The following NEK1 variants were observed in gnomAD, a reference collection of about 807,000 sequenced individuals.
NEK1 encodes the protein NIMA related kinase 1, also known as serine/threonine-protein kinase Nek1.
NEK1 carries 137 observed loss-of-function variants against 182.1 expected under a neutral mutation model. That is an observed-to-expected ratio of 0.75 (90% confidence interval 0.65 to 0.87). NEK1 has a LOEUF of 0.87. Ranked by LOEUF, NEK1 falls within the 40% of genes least tolerant of loss-of-function variation. The pLI is 0.00. For missense variants in NEK1, 1,391 were observed against 1,494.4 expected, an observed-to-expected ratio of 0.93 and a Z score of 1.14; for synonymous variants, 513 against 492.2, an observed-to-expected ratio of 1.04 and a Z score of -0.56.
chr4:169,445,272 A>C (rs1270622955), intron 27 of NEK1, among the ~76,000 whole-genome samples: 1 of 152,098 alleles, frequency 6.6e-6, no homozygotes. Context: ...AAAAACAAAA[A>C]CAAAAAATAG....
chr4:169,544,074 G>C (rs910386204), intron 18 of NEK1, among the ~76,000 whole-genome samples: 1 of 152,124 alleles, frequency 6.6e-6, no homozygotes, highest in African/African-American at 2.4e-5. Flanking sequence ...TTTTCAAAGG[G>C]AATGCTTCAG....
chr4:169,480,363 G>T (rs1461438667), intron 23 of NEK1, among the ~76,000 whole-genome samples: 1 of 152,044 alleles, frequency 6.6e-6, no homozygotes, highest in South Asian at 2.1e-4. Context: ...TGCAATAACG[G>T]TAATATTGCA....
intron 23 of NEK1, among the ~76,000 whole-genome samples, chr4:169,480,847 G>A (rs1747860609): frequency 2.6e-5 from 4 of 152,052 alleles, no homozygotes; most frequent in Admixed American, 2.6e-4. Context: ...CAAAGTGCTG[G>A]GATTACAAGC....
chr4:169,518,324 T>C (rs1755457621), intron 19 of NEK1, among the ~76,000 whole-genome samples: 1 of 88,078 alleles, frequency 1.1e-5, no homozygotes, highest in East Asian at 3.1e-4. Context: ...TGATGGTAGT[T>C]TGTATTTCTG....
chr4:169,444,644 A>G (rs1183502252), intron 27 of NEK1, among the ~76,000 whole-genome samples: 3 of 152,188 alleles, frequency 2.0e-5, no homozygotes. Flanking sequence ...AGACTCCAAT[A>G]TAATAAGAGT....
At chr4:169,547,545 C>G (rs1267578993) in intron 18 of NEK1, among the ~76,000 whole-genome samples, 1 of 152,174 alleles carries the variant, frequency 6.6e-6, no homozygotes, top group Admixed American at 6.5e-5. Context: ...AGAAGTTCTC[C>G]TGGATTATAT....
At chr4:169,544,379 T>C (rs1231237861) in intron 18 of NEK1, among the ~76,000 whole-genome samples, 1 of 152,214 alleles carries the variant, frequency 6.6e-6, no homozygotes, top group African/African-American at 2.4e-5. Flanking sequence ...CAGTATTTTA[T>C]TGAGGATTTT....
rs538741564 is a variant in NEK1 at position 169,577,749 on chromosome 4, G to A, written c.869-670C>T. 6.6e-5 allele frequency among the ~76,000 whole-genome samples: 10 copies of A among 151,574 alleles called. No individual in the cohort carries two copies. In the South Asian group the frequency reaches 8.3e-4, roughly 13 times the overall value. On this transcript the variant is annotated intron_variant, in intron 11 of 35. Coordinates refer to ENST00000507142, the MANE Select transcript of NEK1 (RefSeq NM_001199397.3). ...AGCCTGGGCGACAGAATGAGACTCC[G>A]TCTCAAAAATAATAATAATAATAAT... is the stretch of plus-strand genomic sequence containing the variant.
intron 3 of NEK1, 42 bp downstream of exon 3, chr4:169,602,472 A>G: frequency 9.3e-7 from 1 of 1,080,062 alleles, no homozygotes; most frequent in Non-Finnish European, 1.4e-6. Flanking sequence ...CTCTATTGTA[A>G]CTAAACCATT....
Position 169,599,124 on chromosome 4 carries a change from T to C in NEK1, c.288A>G (p.Lys96=), listed in dbSNP as rs1770049825. The C allele has an allele frequency of 6.2e-7, 1 of 1,613,288 alleles. No homozygotes were observed. The highest frequency in any genetic ancestry group is 1.3e-5 in the African/African-American group (1 of 74,920). ...CCTGATCCTCTTGAAACAAAACGCC[T>C]TTCTGAGCATTTATTCGCTTAAACA... ...GDLFKRINAQ[K]GVLFQEDQIL... The change falls in exon 5 of 36, where the codon AAA becomes AAG. Residue 96 remains lysine (K), a synonymous_variant. Transcript: ENST00000507142.
At chr4:169,507,471 A>AT (rs1753500277) in intron 22 of NEK1, among the ~76,000 whole-genome samples, 2 of 152,022 alleles carry the variant, frequency 1.3e-5, no homozygotes, top group African/African-American at 4.8e-5. Context: ...TAAGGTTACC[A>AT]TTTTTTTCAA....
intron 2 of NEK1, 93 bp from the exon 3 acceptor site, chr4:169,602,771 G>A (rs1770708140): frequency 1.8e-6 from 1 of 549,564 alleles, no homozygotes; most frequent in Non-Finnish European, 3.2e-6. Context: ...ATTCTTTAGT[G>A]ATTTGCTAAC....
chr4:169,529,477 A>G (rs986866232), intron 19 of NEK1, among the ~76,000 whole-genome samples: 1 of 152,086 alleles, frequency 6.6e-6, no homozygotes, highest in Non-Finnish European at 1.5e-5. Flanking sequence ...AACTATAAAA[A>G]CTTTAGAAGA....
chr4:169,460,338 T>C (rs1216547149), intron 27 of NEK1, among the ~76,000 whole-genome samples: 1 of 141,640 alleles, frequency 7.1e-6, no homozygotes, highest in South Asian at 2.3e-4. Flanking sequence ...GGTGGCAGGT[T>C]AAAAAAAAAA....
intron 2 of NEK1, among the ~76,000 whole-genome samples, chr4:169,608,768 T>C (rs929501324): frequency 4.6e-5 from 7 of 152,028 alleles, no homozygotes; most frequent in African/African-American, 1.7e-4. Flanking sequence ...TAAAACGATA[T>C]ACAATTTTGG....
intron 27 of NEK1, among the ~76,000 whole-genome samples, chr4:169,448,935 C>T (rs960783096): frequency 6.6e-6 from 1 of 152,228 alleles, no homozygotes; most frequent in Non-Finnish European, 1.5e-5. Context: ...CCTGGAAACA[C>T]GGGACACTCC....
intron 23 of NEK1, among the ~76,000 whole-genome samples, chr4:169,502,435 G>A (rs538624368): frequency 6.6e-6 from 1 of 151,974 alleles, no homozygotes; most frequent in South Asian, 2.1e-4. Flanking sequence ...AACAAAAAAA[G>A]AAAACTACAG....
intron 23 of NEK1, among the ~76,000 whole-genome samples, chr4:169,483,369 T>A (rs1748450526): frequency 6.6e-6 from 1 of 152,126 alleles, no homozygotes; most frequent in South Asian, 2.1e-4. Context: ...AGACACAAAA[T>A]GAGCAAAAGC....
At chr4:169,511,112 G>C (rs1298336541) in intron 19 of NEK1, among the ~76,000 whole-genome samples, 1 of 152,124 alleles carries the variant, frequency 6.6e-6, no homozygotes, top group Non-Finnish European at 1.5e-5. Flanking sequence ...TTGTTGTTAA[G>C]TCTAGGCATA....
Sources: gnomAD v4.1 joint callset for allele counts (sites outside exome capture counted in the v4.1 genomes callset) on GRCh38, gnomAD v4.1.1 for gene constraint, MANE v1.5 for transcripts, NCBI Gene and HGNC (gene_info 2026-07-23, HGNC 2026-07-21) for gene names.